AKAP6: variants seen among roughly 807,000 people sequenced by gnomAD.
The protein encoded by AKAP6 is A-kinase anchor protein 6.
AKAP6 carries 58 observed loss-of-function variants against 188.5 expected under a neutral mutation model. The ratio of observed to expected loss-of-function variants is 0.31; its 90% CI spans 0.25 to 0.38. The LOEUF (loss-of-function observed/expected upper bound fraction) is 0.38. Ranked by LOEUF, AKAP6 falls within the 10% of genes least tolerant of loss-of-function variation. The probability of loss-of-function intolerance (pLI) is 1.00; values close to 1 mark genes in which losing one functional copy is unlikely to be tolerated. For synonymous variants in AKAP6, 989 were observed against 998.6 expected (o/e 0.99, Z 0.18); for missense variants, 2,710 against 2,740.0 (o/e 0.99, Z 0.24).
intron 7 of AKAP6, among the ~76,000 whole-genome samples, chr14:32,617,450 A>T (rs1340880274): frequency 1.3e-5 from 2 of 151,966 alleles, no homozygotes; most frequent in African/African-American, 4.8e-5. Flanking sequence ...TGTATTAAAG[A>T]TATTCCTCAA....
chr14:32,566,371 T>G (rs1566578840), intron 4 of AKAP6, among the ~76,000 whole-genome samples: 1 of 151,978 alleles, frequency 6.6e-6, no homozygotes, highest in Non-Finnish European at 1.5e-5. Flanking sequence ...TTTAAATTGT[T>G]AAAATGAATA....
chr14:32,448,859 A>G lies in AKAP6; in HGVS notation c.324+15042A>G, dbSNP rs112019492. On this transcript the variant is annotated intron_variant, in intron 2 of 13. Coordinates refer to ENST00000280979, the MANE Select transcript of AKAP6 (RefSeq NM_004274.5). Reference sequence around the variant, plus strand: ...AGGGAGATATTAGCAATGCATACTTAATTCTACAATCTTGATTCTACAAGG... The same window carrying G: ...AGGGAGATATTAGCAATGCATACTTGATTCTACAATCTTGATTCTACAAGG... Among the ~76,000 whole-genome samples, 1,511 of 152,274 alleles carry G rather than the reference A, an allele frequency of 9.9e-3. 16 individuals are homozygous for G. The highest frequency in any genetic ancestry group is 0.034 in the African/African-American group (1,410 of 41,548).
intron 11 of AKAP6, among the ~76,000 whole-genome samples, chr14:32,769,070 A>T (rs1229243325): frequency 1.9e-3 from 25 of 13,028 alleles, no homozygotes; most frequent in African/African-American, 3.0e-3. Flanking sequence ...TTTTTGAGAC[A>T]GAGTGTCACT....
At chr14:32,512,206 G>A (rs1881295013) in intron 2 of AKAP6, among the ~76,000 whole-genome samples, 2 of 152,134 alleles carry the variant, frequency 1.3e-5, no homozygotes, top group Admixed American at 1.3e-4. Flanking sequence ...AGGTTTGGTT[G>A]ATATTTATAT....
intron 8 of AKAP6, among the ~76,000 whole-genome samples, chr14:32,695,660 A>G (rs960494701): frequency 2.6e-5 from 4 of 152,190 alleles, no homozygotes; most frequent in African/African-American, 9.7e-5. Context: ...CAGTCTATTA[A>G]ATGGCAGTGC....
In AKAP6 at chr14:32,545,834, T is replaced by C. The variant is rs754763453; in HGVS notation, c.1181T>C (p.Leu394Pro). The C allele has an allele frequency of 1.9e-6, 3 of 1,614,158 alleles. No homozygotes were observed. Among genetic ancestry groups the C allele is most frequent in the Non-Finnish European group, 2.5e-6 (3 of 1,180,012 alleles). ...PTQPTLPKRGLFLKEETFKND... is the reference protein window; with the variant it reads ...PTQPTLPKRGPFLKEETFKND... Reference sequence around the variant, plus strand: ...CAGCCTACATTGCCAAAAAGAGGACTTTTTCTTAAAGAGGAAACTTTTAAG... The same window carrying C: ...CAGCCTACATTGCCAAAAAGAGGACCTTTTCTTAAAGAGGAAACTTTTAAG... Residue 394 changes from leucine (L) to proline (P), a missense_variant, in exon 4 of 14, where the codon CTT becomes CCT. Physicochemically the swap from Leu to Pro is moderately conservative, Grantham distance 98. Around this residue, in one of 2 missense-constraint regions of AKAP6, gnomAD observed 2,473 missense variants for 2,426.1 expected, o/e 1.02. Transcript: ENST00000280979.
At chr14:32,813,700 C>T (rs771193174) in intron 12 of AKAP6, among the ~76,000 whole-genome samples, 1 of 152,148 alleles carries the variant, frequency 6.6e-6, no homozygotes, top group Non-Finnish European at 1.5e-5. Flanking sequence ...GCAGCCCCTC[C>T]AGTGAACCTG....
At chr14:32,421,538 C>A (rs1464517063) in intron 1 of AKAP6, among the ~76,000 whole-genome samples, 1 of 151,470 alleles carries the variant, frequency 6.6e-6, no homozygotes, top group Non-Finnish European at 1.5e-5. Flanking sequence ...GATATAATAT[C>A]TTATCTCTGA....
At chr14:32,468,431 A>C (rs1032927996) in intron 2 of AKAP6, among the ~76,000 whole-genome samples, 3 of 152,202 alleles carry the variant, frequency 2.0e-5, no homozygotes, top group African/African-American at 7.2e-5. Flanking sequence ...AGTAAAGGTT[A>C]GCCCACCTCT....
Position 32,812,448 on chromosome 14 carries a change from A to G in AKAP6, c.3589-8954A>G, listed in dbSNP as rs577311987. 2.6e-5 allele frequency among the ~76,000 whole-genome samples: 4 copies of G among 152,062 alleles called. No homozygotes were observed. The South Asian group carries it at 8.3e-4, about 32-fold the overall frequency. On this transcript the variant is annotated intron_variant, in intron 12 of 13. Transcript: ENST00000280979. ...TACTTTCTTGAAACTCTGGGGGGAA[A>G]TTCCAGGGAAACACCAAATATAGTG...
intron 1 of AKAP6, among the ~76,000 whole-genome samples, chr14:32,354,774 A>G (rs8017400): frequency 0.31 from 47,879 of 152,106 alleles, 8,248 homozygotes; most frequent in African/African-American, 0.46. Context: ...ATGCCCCCTT[A>G]CACTGAAACT....
chr14:32,807,162 G>A (rs1346573829), intron 12 of AKAP6, among the ~76,000 whole-genome samples: 2 of 151,814 alleles, frequency 1.3e-5, no homozygotes, highest in African/African-American at 2.4e-5. Context: ...CCTGGGCAAC[G>A]TAGTGAGACC....
chr14:32,602,887 T>C lies in AKAP6; in HGVS notation c.2730+2095T>C, dbSNP rs576556846. On this transcript the variant is annotated intron_variant, in intron 7 of 13. Transcript: ENST00000280979. ...TCATCACCACCTAGCATACTGCCTTTCACTGGCACTGCTCAGGGCCAAGTG... is the reference window on the plus strand; with the variant it reads ...TCATCACCACCTAGCATACTGCCTTCCACTGGCACTGCTCAGGGCCAAGTG... Among the ~76,000 whole-genome samples the C allele has an allele frequency of 3.3e-5, 5 of 152,308 alleles. No individual in the cohort carries two copies. The East Asian group carries it at 9.7e-4, about 29-fold the overall frequency.
chr14:32,752,033 T>C (rs2032159328), intron 11 of AKAP6, among the ~76,000 whole-genome samples: 1 of 152,338 alleles, frequency 6.6e-6, no homozygotes, highest in East Asian at 1.9e-4. Context: ...TTTCTGTCCC[T>C]TTTTAAGGAG....
At chr14:32,425,987 A>C (rs1041468485) in intron 1 of AKAP6, among the ~76,000 whole-genome samples, 2 of 152,144 alleles carry the variant, frequency 1.3e-5, no homozygotes, top group Admixed American at 1.3e-4. Flanking sequence ...TAGGTTTTAC[A>C]TTTAAGTCTT....
intron 7 of AKAP6, among the ~76,000 whole-genome samples, chr14:32,615,197 A>AAAT (rs1308144992): frequency 6.7e-6 from 1 of 150,014 alleles, no homozygotes; most frequent in Non-Finnish European, 1.5e-5. Flanking sequence ...GATAAACAAG[A>AAAT]AGAAAAGGTT....
In AKAP6 at chr14:32,811,156, A is replaced by G. The variant is rs28605837; in HGVS notation, c.3589-10246A>G. ...GGGGAGGCTGAGGCAGGAGAATGGCATGAACCCGGGAGGCGCAGCTTGCAG... is the reference window on the plus strand; with the variant it reads ...GGGGAGGCTGAGGCAGGAGAATGGCGTGAACCCGGGAGGCGCAGCTTGCAG... On this transcript the variant is annotated intron_variant, in intron 12 of 13. Coordinates refer to ENST00000280979, the MANE Select transcript of AKAP6 (RefSeq NM_004274.5). Among the ~76,000 whole-genome samples, 673 of 150,090 alleles carry G rather than the reference A, an allele frequency of 4.5e-3. 8 individuals are homozygous for G. The highest frequency in any genetic ancestry group is 0.015 in the African/African-American group (630 of 40,880).
chr14:32,439,489 T>C (rs1890496958), intron 2 of AKAP6, among the ~76,000 whole-genome samples: 1 of 152,188 alleles, frequency 6.6e-6, no homozygotes, highest in African/African-American at 2.4e-5. Flanking sequence ...GGGAAAGGGC[T>C]ATGGTTGTGA....
chr14:32,675,318 G>A (rs1483424142), intron 7 of AKAP6, among the ~76,000 whole-genome samples: 3 of 152,148 alleles, frequency 2.0e-5, no homozygotes, highest in Non-Finnish European at 4.4e-5. Flanking sequence ...CCTATTTAAT[G>A]AGTAAGTTGC....
Sources: allele counts gnomAD v4.1 joint callset (sites outside exome capture counted in the v4.1 genomes callset), GRCh38; gene constraint gnomAD v4.1.1; regional missense constraint gnomAD v4.1.1; transcripts MANE v1.5; gene names NCBI Gene and HGNC (gene_info 2026-07-23, HGNC 2026-07-21).